Variants in CTNNA2 observed in about 807,000 individuals in gnomAD.
CTNNA2 encodes catenin alpha 2.
In CTNNA2, 42 loss-of-function variants were observed where a neutral mutation model predicts 101.0. The ratio of observed to expected loss-of-function variants is 0.42; its 90% CI spans 0.32 to 0.54. The LOEUF (loss-of-function observed/expected upper bound fraction) is 0.54. Among genes scored for constraint, CTNNA2 ranks in the 20% least tolerant of loss-of-function variants. CTNNA2 has a pLI of 0.14. For synonymous variants in CTNNA2, 450 were observed against 456.4 expected, an observed-to-expected ratio of 0.99 and a Z score of 0.18; for missense variants, 871 against 1,223.1, an observed-to-expected ratio of 0.71 and a Z score of 4.29.
intron 6 of CTNNA2, among the ~76,000 whole-genome samples, chr2:79,905,749 T>C (rs1177059404): frequency 2.6e-5 from 4 of 152,216 alleles, no homozygotes; most frequent in Admixed American, 1.3e-4. Flanking sequence ...CCTGTGTTCA[T>C]GGCTGTTTGC....
At chr2:79,833,816 T>C (rs535525550) in intron 3 of CTNNA2, among the ~76,000 whole-genome samples, 38 of 152,214 alleles carry the variant, frequency 2.5e-4, no homozygotes, top group Non-Finnish European at 4.0e-4. Flanking sequence ...CATCCATTCA[T>C]AAATAGTACA....
intron 4 of CTNNA2, among the ~76,000 whole-genome samples, chr2:79,433,624 GA>G (rs200656588): frequency 0.021 from 1,980 of 95,642 alleles, 25 homozygotes; most frequent in African/African-American, 0.048. Context: ...TGCCTTTGAG[GA>G]AAAAAAAAAA....
chr2:80,020,150 C>A (rs1238322789), intron 7 of CTNNA2, among the ~76,000 whole-genome samples: 1 of 152,112 alleles, frequency 6.6e-6, no homozygotes, highest in Non-Finnish European at 1.5e-5. Context: ...CAACACTTTG[C>A]AAATATGATA....
intron 2 of CTNNA2, among the ~76,000 whole-genome samples, chr2:79,204,823 A>G (rs567826582): frequency 1.1e-4 from 16 of 152,324 alleles, no homozygotes; most frequent in East Asian, 1.9e-4. Context: ...AGAGCAGAAG[A>G]GAGGAAACCC....
chr2:80,459,593 A>C (rs1477202961), intron 9 of CTNNA2, among the ~76,000 whole-genome samples: 7 of 152,156 alleles, frequency 4.6e-5, no homozygotes, highest in African/African-American at 1.7e-4. Context: ...GTCTGTTGAA[A>C]GTGGCAGCCT....
chr2:80,403,714 C>T (rs2051645147), intron 8 of CTNNA2, among the ~76,000 whole-genome samples: 1 of 152,002 alleles, frequency 6.6e-6, no homozygotes, highest in Non-Finnish European at 1.5e-5. Context: ...ATGGAAAATT[C>T]CCATTTAGTA....
chr2:80,337,866 A>T (rs919612179), intron 7 of CTNNA2, among the ~76,000 whole-genome samples: 2 of 152,272 alleles, frequency 1.3e-5, no homozygotes, highest in Non-Finnish European at 2.9e-5. Flanking sequence ...TGACCCCACC[A>T]TGGGAAGTGG....
intron 9 of CTNNA2, among the ~76,000 whole-genome samples, chr2:80,519,209 G>A (rs1359879770): frequency 6.6e-6 from 1 of 152,120 alleles, no homozygotes; most frequent in Non-Finnish European, 1.5e-5. Flanking sequence ...AGCTGAGAAA[G>A]CCAAAAGGAA....
At chr2:80,453,277 A>T (rs1230395604) in intron 9 of CTNNA2, among the ~76,000 whole-genome samples, 1 of 152,112 alleles carries the variant, frequency 6.6e-6, no homozygotes, top group Non-Finnish European at 1.5e-5. Context: ...ATGGTTGGGC[A>T]TGGCCAAGGT....
intron 3 of CTNNA2, among the ~76,000 whole-genome samples, chr2:79,794,370 G>C (rs910869695): frequency 3.9e-5 from 6 of 151,984 alleles, no homozygotes; most frequent in Admixed American, 3.3e-4. Context: ...TTGAAGATTA[G>C]AATGCTTAAT....
At position 80,542,875 on chromosome 2, in the gene CTNNA2, T is replaced by TG. The variant is rs1294263610; in HGVS notation, c.1291-2107_1291-2106insG. 4.7e-3 allele frequency among the ~76,000 whole-genome samples: 513 copies of TG among 108,678 alleles called. 4 individuals carry two copies. Among genetic ancestry groups the TG allele is most frequent in the African/African-American group, 0.018 (461 of 26,158 alleles). The allele number at this position is 108,678 out of a possible 152,430, so 71.3% of individuals were successfully genotyped here. A position where few individuals can be genotyped will look rare whatever the true frequency, so the allele number is the denominator to read the frequency against. ...TAGAAGATTCTCCACTATCCTGATTTTTTCCCCCCCCCACATGCCACTTTG... is the reference window on the plus strand; with the variant it reads ...TAGAAGATTCTCCACTATCCTGATTTGTTTCCCCCCCCCACATGCCACTTTG... On this transcript the variant is annotated intron_variant, in intron 9 of 18. Coordinates refer to ENST00000402739, the MANE Select transcript of CTNNA2 (RefSeq NM_001282597.3).
intron 7 of CTNNA2, among the ~76,000 whole-genome samples, chr2:80,103,895 G>A (rs751936436): frequency 2.6e-5 from 4 of 152,008 alleles, no homozygotes; most frequent in South Asian, 2.1e-4. Flanking sequence ...CCACCATGGC[G>A]GCTAACTTTT....
intron 7 of CTNNA2, among the ~76,000 whole-genome samples, chr2:80,063,158 C>T (rs1317815711): frequency 6.6e-6 from 1 of 152,172 alleles, no homozygotes; most frequent in East Asian, 1.9e-4. Context: ...AAAGTCCAGG[C>T]ATTATGCCTG....
intron 7 of CTNNA2, among the ~76,000 whole-genome samples, chr2:80,269,217 G>A (rs1182392026): frequency 2.0e-5 from 3 of 152,152 alleles, no homozygotes; most frequent in African/African-American, 7.2e-5. Context: ...GGGGTCTTGT[G>A]GGAGGTAATT....
rs114774736 is a variant in CTNNA2 at position 79,503,078 on chromosome 2, C to T, written c.-134-1976C>T. On this transcript the variant is annotated intron_variant, in intron 4 of 21. Transcript: ENST00000466387. ...GATATGGCACTATTCCTTGGGGAGA[C>T]CAGGCAACCACCTGGTATCAGAGTG... 5.5e-3 allele frequency among the ~76,000 whole-genome samples: 845 copies of T among 152,270 alleles called. 10 individuals carry two copies. Among genetic ancestry groups the T allele is most frequent in the African/African-American group, 0.019 (787 of 41,552 alleles).
chr2:80,279,553 G>A (rs59081665), intron 7 of CTNNA2, among the ~76,000 whole-genome samples: 3,272 of 151,590 alleles, frequency 0.022, 43 homozygotes, highest in South Asian at 0.039. Context: ...TATTTTTTTC[G>A]CTTTTAAAGC....
At chr2:80,363,960 T>C (rs1241133355) in intron 7 of CTNNA2, among the ~76,000 whole-genome samples, 1 of 152,186 alleles carries the variant, frequency 6.6e-6, no homozygotes, top group Non-Finnish European at 1.5e-5. Flanking sequence ...TTTTCTTGCA[T>C]GCAACGGGAG....
intron 2 of CTNNA2, among the ~76,000 whole-genome samples, chr2:79,724,974 C>T (rs75234305): frequency 0.035 from 5,287 of 152,184 alleles, 113 homozygotes; most frequent in South Asian, 0.081. Flanking sequence ...TAGCATACTA[C>T]TTGTAGCATG....
chr2:79,195,718 C>A (rs1035493523), intron 1 of CTNNA2: 28 of 433,266 alleles, frequency 6.5e-5, no homozygotes, highest in African/African-American at 4.9e-4. Flanking sequence ...GACACACATA[C>A]CTGAGTGAGA....
Sources: allele counts gnomAD v4.1 joint callset (sites outside exome capture counted in the v4.1 genomes callset), GRCh38; gene constraint gnomAD v4.1.1; transcripts MANE v1.5; gene names NCBI Gene and HGNC (gene_info 2026-07-23, HGNC 2026-07-21).